The following INPP1 variants were observed in gnomAD, a reference collection of about 807,000 sequenced individuals.
INPP1 encodes the protein inositol polyphosphate-1-phosphatase.
A neutral mutation model predicts 23.0 loss-of-function variants in INPP1; 18 were observed. The ratio of observed to expected loss-of-function variants is 0.78; its 90% CI spans 0.54 to 1.16. INPP1 has a LOEUF of 1.16. INPP1 is among the 50% of genes most tolerant of loss of function. INPP1 has a pLI of 0.00. For synonymous variants in INPP1, 164 were observed against 176.3 expected, an observed-to-expected ratio of 0.93 and a Z score of 0.55; for missense variants, 448 against 482.1, an observed-to-expected ratio of 0.93 and a Z score of 0.66.
rs1689734380 is a variant in INPP1 at position 190,368,696 on chromosome 2, A to C, written c.467-407A>C. On this transcript the variant is annotated intron_variant, in intron 5 of 6. Transcript: ENST00000392329. This position sits in a 1 kb window ranked among gnomAD's most constrained non-coding sequence, Gnocchi z 4.3. ...ATTATAGTTACCCTATTGTGCTATCAAATAGTAGGTCTTTTTTTTTCACCC... is the reference window on the plus strand; with the variant it reads ...ATTATAGTTACCCTATTGTGCTATCCAATAGTAGGTCTTTTTTTTTCACCC... The C allele has an allele frequency of 6.5e-6, 1 of 153,156 alleles. No homozygotes were observed. The highest frequency in any genetic ancestry group is 2.4e-5 in the African/African-American group (1 of 41,484). The allele number at this position is 153,156 out of a possible 1,614,324, so 9.5% of individuals were successfully genotyped here. A position where few individuals can be genotyped will look rare whatever the true frequency, so the allele number is the denominator to read the frequency against.
intron 4 of INPP1, among the ~76,000 whole-genome samples, chr2:190,364,501 C>G (rs1689601146): frequency 6.6e-6 from 1 of 150,640 alleles, no homozygotes; most frequent in Non-Finnish European, 1.5e-5. Context: ...GAGATCGCAC[C>G]ACTGCACTCC....
intron 3 of INPP1, 107 bp from the exon 4 acceptor site, chr2:190,362,520 A>C: frequency 5.0e-6 from 3 of 597,172 alleles, no homozygotes; most frequent in Non-Finnish European, 8.3e-6. Context: ...TTGGAATTTC[A>C]GTTCTGATTG....
At chr2:190,357,932 T>A (rs1455778851) in intron 2 of INPP1, among the ~76,000 whole-genome samples, 2 of 152,244 alleles carry the variant, frequency 1.3e-5, no homozygotes, top group African/African-American at 4.8e-5. Flanking sequence ...CTCATAGTGG[T>A]TGACCTATAA....
At position 190,355,070 on chromosome 2, in the gene INPP1, T is replaced by C. The variant is rs559067144; in HGVS notation, c.-64-4969T>C. 6.6e-6 allele frequency among the ~76,000 whole-genome samples: 1 copy of C among 152,242 alleles called. No homozygotes were observed. Among genetic ancestry groups the C allele is most frequent in the South Asian group, 2.1e-4 (1 of 4,822 alleles). On this transcript the variant is annotated intron_variant, in intron 2 of 6. Transcript: ENST00000392329. This position sits in a 1 kb window ranked among gnomAD's most constrained non-coding sequence, Gnocchi z 5.1. Reference sequence around the variant, plus strand: ...CAATTGATGAAAAGATTTCACTGGCTAGAGTACTGGTCAACAGTGGGGGCT... The same window carrying C: ...CAATTGATGAAAAGATTTCACTGGCCAGAGTACTGGTCAACAGTGGGGGCT...
chr2:190,368,821 G>T lies in INPP1; in HGVS notation c.467-282G>T. 4.8e-6 allele frequency: 1 copy of T among 210,026 alleles called. No homozygotes were observed. Among genetic ancestry groups the T allele is most frequent in the East Asian group, 1.0e-4 (1 of 9,732 alleles). 13.0% of individuals were successfully genotyped at this position (210,026 alleles called of 1,614,324 possible). A position where few individuals can be genotyped will look rare whatever the true frequency, so the allele number is the denominator to read the frequency against. On this transcript the variant is annotated intron_variant, in intron 5 of 6. Transcript: ENST00000392329. This position sits in a 1 kb window ranked among gnomAD's most constrained non-coding sequence, Gnocchi z 4.3. Reference sequence around the variant, plus strand: ...TTATTCTGGTTATTACTTTTTCAATGCTTTTGATAAGTAACAAATATTTGA... The same window carrying T: ...TTATTCTGGTTATTACTTTTTCAATTCTTTTGATAAGTAACAAATATTTGA...
chr2:190,351,182 T>G (rs1464290576), intron 2 of INPP1, among the ~76,000 whole-genome samples: 1 of 152,184 alleles, frequency 6.6e-6, no homozygotes, highest in Non-Finnish European at 1.5e-5. Flanking sequence ...AACCAATGCA[T>G]AGAGTGTTGG....
rs1237248828 is a variant in INPP1, at chr2:190,345,855, G to A, written c.-209+1894G>A. ...GTAAAAATACAAAAATTAGCCAGGC[G>A]TGGTAGCAAGCACCTGTAGTCCCAG... On this transcript the variant is annotated intron_variant, in intron 1 of 6. Transcript: ENST00000392329. This position sits in a 1 kb window ranked among gnomAD's most constrained non-coding sequence, Gnocchi z 4.9. 1.3e-5 allele frequency among the ~76,000 whole-genome samples: 2 copies of A among 152,106 alleles called. No individual in the cohort carries two copies. The highest frequency in any genetic ancestry group is 2.9e-5 in the Non-Finnish European group (2 of 68,010).
chr2:190,370,772 A>T, intron 6 of INPP1, 72 bp from the exon 7 acceptor site: 1 of 1,022,692 alleles, frequency 9.8e-7, no homozygotes, highest in Non-Finnish European at 1.5e-6. Flanking sequence ...TCGTATCATT[A>T]AGTTTGAAAG....
rs897453875 is a variant in INPP1 at position 190,347,365 on chromosome 2, A to C, written c.-208-1523A>C. 6.6e-5 allele frequency among the ~76,000 whole-genome samples: 10 copies of C among 152,292 alleles called. No homozygotes were observed. The East Asian group carries it at 1.9e-3, about 29-fold the overall frequency. On this transcript the variant is annotated intron_variant, in intron 1 of 6. Coordinates refer to ENST00000392329, the MANE Select transcript of INPP1 (RefSeq NM_001128928.2). Reference sequence around the variant, plus strand: ...CTCAACCCCATTCAAAAAAGAAAAAAAAATTTATTTGGCCCTAAAACTTGG... The same window carrying C: ...CTCAACCCCATTCAAAAAAGAAAAACAAATTTATTTGGCCCTAAAACTTGG...
chr2:190,366,217 G>T (rs1419803156), intron 4 of INPP1, among the ~76,000 whole-genome samples: 4 of 127,810 alleles, frequency 3.1e-5, no homozygotes, highest in African/African-American at 9.2e-5. Context: ...CTCTCGCTCT[G>T]TCTCTCTCTT....
At chr2:190,349,073 G>A (rs1689278276) in intron 2 of INPP1, 42 bp downstream of exon 2, 1 of 152,228 alleles carries the variant, frequency 6.6e-6, no homozygotes, top group Non-Finnish European at 1.5e-5. Flanking sequence ...AGTATGGCAT[G>A]AGTTCTAAAG....
chr2:190,361,655 T>C (rs1036883674), intron 3 of INPP1, among the ~76,000 whole-genome samples: 4 of 152,222 alleles, frequency 2.6e-5, no homozygotes, highest in African/African-American at 4.8e-5. Flanking sequence ...ATAAATGATA[T>C]TCCATTTTAG....
At position 190,353,969 on chromosome 2, in the gene INPP1, A is replaced by G. The variant is rs7570980; in HGVS notation, c.-65+4938A>G. On this transcript the variant is annotated intron_variant, in intron 2 of 6. Coordinates refer to ENST00000392329, the MANE Select transcript of INPP1 (RefSeq NM_001128928.2). ...TAGTAGCTCTCCAACTGGACTAGACAATCCTACAAAAGCAAAAGAGACCCT... is the reference window on the plus strand; with the variant it reads ...TAGTAGCTCTCCAACTGGACTAGACGATCCTACAAAAGCAAAAGAGACCCT... 5.8e-3 allele frequency among the ~76,000 whole-genome samples: 883 copies of G among 152,336 alleles called. 11 individuals carry two copies. Among genetic ancestry groups the G allele is most frequent in the African/African-American group, 0.02 (849 of 41,564 alleles).
At chr2:190,360,832 T>C (rs1056214026) in intron 3 of INPP1, among the ~76,000 whole-genome samples, 15 of 152,114 alleles carry the variant, frequency 9.9e-5, no homozygotes, top group African/African-American at 3.4e-4. Context: ...GATCTCATCA[T>C]TTATCTAGTG....
Position 190,362,664 on chromosome 2 carries a change from C to G in INPP1, c.242C>G (p.Ser81Cys), listed in dbSNP as rs1213797085. 1.2e-6 allele frequency: 2 copies of G among 1,605,198 alleles called. No individual in the cohort carries two copies. Among genetic ancestry groups the G allele is most frequent in the African/African-American group, 2.7e-5 (2 of 74,556 alleles). The change falls in exon 4 of 7, where the codon TCC becomes TGC. Residue 81 changes from serine (S) to cysteine (C), a missense_variant. Ser to Cys is a moderately radical substitution (Grantham distance 112, BLOSUM62 -1). Coordinates refer to ENST00000392329, the MANE Select transcript of INPP1 (RefSeq NM_001128928.2). Reference sequence around the variant, plus strand: ...GAAAAAAATATTTTTGGAGAAGAATCCAATGAGTTTACTAATGACTGGGGT... The same window carrying G: ...GAAAAAAATATTTTTGGAGAAGAATGCAATGAGTTTACTAATGACTGGGGT... ...GLEKNIFGEE[S>C]NEFTNDWGEK...
chr2:190,361,349 A>G (rs1689530264), intron 3 of INPP1, among the ~76,000 whole-genome samples: 1 of 152,236 alleles, frequency 6.6e-6, no homozygotes, highest in Non-Finnish European at 1.5e-5. Flanking sequence ...TTTCTATGAA[A>G]TTTTCAAAAT....
Position 190,352,139 on chromosome 2 carries a change from T to C in INPP1, c.-65+3108T>C, listed in dbSNP as rs1689335253. 6.6e-6 allele frequency among the ~76,000 whole-genome samples: 1 copy of C among 152,166 alleles called. No homozygotes were observed. The highest frequency in any genetic ancestry group is 1.5e-5 in the Non-Finnish European group (1 of 68,024). On this transcript the variant is annotated intron_variant, in intron 2 of 6. Coordinates refer to ENST00000392329, the MANE Select transcript of INPP1 (RefSeq NM_001128928.2). The surrounding 1 kb of genome is among the most constrained non-coding windows in gnomAD (Gnocchi z 4.7). ...CTATTCAAGCTTCTTGCCCTTGAAC[T>C]GATTCTGAGAAGGTGAGTGAGCATT... is the stretch of plus-strand genomic sequence containing the variant.
intron 1 of INPP1, among the ~76,000 whole-genome samples, chr2:190,347,944 C>T (rs949646252): frequency 2.0e-5 from 3 of 152,164 alleles, no homozygotes; most frequent in East Asian, 1.9e-4. Flanking sequence ...TCGAGACCAG[C>T]CTGGCCAACA....
intron 4 of INPP1, among the ~76,000 whole-genome samples, chr2:190,365,901 C>G (rs1355244157): frequency 4.0e-5 from 6 of 151,654 alleles, no homozygotes; most frequent in African/African-American, 1.5e-4. Context: ...GTCTCTTGCT[C>G]TGTCTCGCTC....
Sources: gnomAD v4.1 joint callset for allele counts (sites outside exome capture counted in the v4.1 genomes callset) on GRCh38, gnomAD v4.1.1 for gene constraint, Gnocchi (gnomAD v3.1) non-coding constraint, MANE v1.5 for transcripts, NCBI Gene and HGNC (gene_info 2026-07-23, HGNC 2026-07-21) for gene names.